The following FRMD3 variants were observed in gnomAD, a reference collection of about 807,000 sequenced individuals.
The protein encoded by FRMD3 is FERM domain-containing protein 3.
Under a neutral mutation model 70.2 loss-of-function variants are expected in FRMD3, and 33 were observed. That is an observed-to-expected ratio of 0.47 (90% CI 0.36 to 0.63). The LOEUF (loss-of-function observed/expected upper bound fraction) is 0.63, where lower values mean the gene tolerates loss of function less well. Among genes scored for constraint, FRMD3 ranks in the 20% least tolerant of loss-of-function variants. The pLI is 0.00. For missense variants in FRMD3, 632 were observed against 711.4 expected, an observed-to-expected ratio of 0.89 and a Z score of 1.27; for synonymous variants, 279 against 255.9, an observed-to-expected ratio of 1.09 and a Z score of -0.86.
intron 4 of FRMD3, among the ~76,000 whole-genome samples, chr9:83,348,333 T>C (rs933158906): frequency 6.6e-6 from 1 of 152,138 alleles, no homozygotes; most frequent in Non-Finnish European, 1.5e-5. Context: ...ATCAAATAAA[T>C]AATTAAAATT....
chr9:83,305,294 G>A (rs1479262866), intron 10 of FRMD3, among the ~76,000 whole-genome samples: 3 of 152,198 alleles, frequency 2.0e-5, no homozygotes, highest in African/African-American at 7.2e-5. Context: ...TCCAACTGCT[G>A]CTCAAAATAC....
chr9:83,317,447 T>C (rs1348260949), intron 6 of FRMD3, among the ~76,000 whole-genome samples: 1 of 152,142 alleles, frequency 6.6e-6, no homozygotes, highest in Non-Finnish European at 1.5e-5. Flanking sequence ...CCCAGTTTAC[T>C]TGAAAGGCCC....
chr9:83,432,357 G>A (rs528584267), intron 1 of FRMD3, among the ~76,000 whole-genome samples: 1 of 152,354 alleles, frequency 6.6e-6, no homozygotes, highest in African/African-American at 2.4e-5. Flanking sequence ...AGGAATCCAG[G>A]AAAATACCGA....
chr9:83,378,923 T>TA (rs1825273363), intron 2 of FRMD3, among the ~76,000 whole-genome samples: 1 of 134,382 alleles, frequency 7.4e-6, no homozygotes, highest in African/African-American at 2.8e-5. Context: ...AGATGGGGTT[T>TA]CACTATGTAG....
chr9:83,498,415 T>C (rs974347841), intron 1 of FRMD3, among the ~76,000 whole-genome samples: 1 of 152,208 alleles, frequency 6.6e-6, no homozygotes, highest in African/African-American at 2.4e-5. Context: ...GCCAAAGGTT[T>C]ATCCACTTTA....
rs764790748 is a variant in FRMD3 at position 83,310,545 on chromosome 9, T to C, written c.777A>G (p.Pro259=). 3.1e-6 allele frequency: 5 copies of C among 1,593,134 alleles called. No homozygotes were observed. The South Asian group carries it at 5.8e-5, about 18-fold the overall frequency. ...GNKRIHLIKW[P]DVCKLKFEGK... is the part of the protein sequence containing the mutation. ...CTTCAAACTTCAATTTGCAGACATC[T>C]GGCCTAAGAAAAGAAAATCTCTGGG... The change falls in exon 9 of 14, where the codon CCA becomes CCG. Residue 259 remains proline, a synonymous_variant. Transcript: ENST00000304195.
intron 1 of FRMD3, among the ~76,000 whole-genome samples, chr9:83,406,768 T>C (rs985825332): frequency 1.7e-4 from 26 of 152,242 alleles, no homozygotes; most frequent in African/African-American, 6.0e-4. Flanking sequence ...ACACAGCCCA[T>C]AGAAGAGAGC....
the FRMD3 span, among the ~76,000 whole-genome samples, chr9:83,584,833 A>G: frequency 1.3e-5 from 2 of 152,152 alleles, no homozygotes; most frequent in Non-Finnish European, 2.9e-5. Flanking sequence ...TGATCCGTGA[A>G]ATGGATCGAT....
chr9:83,249,894 G>C (rs962190990), intron 13 of FRMD3, among the ~76,000 whole-genome samples: 1 of 152,118 alleles, frequency 6.6e-6, no homozygotes, highest in African/African-American at 2.4e-5. Flanking sequence ...AAAATTGACA[G>C]TTCCTCAAAA....
intron 2 of FRMD3, 86 bp downstream of exon 2, chr9:83,389,518 C>T (rs1825605221): frequency 1.2e-6 from 1 of 844,612 alleles, no homozygotes; most frequent in Non-Finnish European, 2.0e-6. Context: ...ACAAGGGCAT[C>T]ACTAGGGCTT....
rs1825885088 is a variant in FRMD3 at position 83,399,174 on chromosome 9, C to T, written c.148-9466G>A. Among the ~76,000 whole-genome samples, 2 of 152,178 alleles carry T rather than the reference C, an allele frequency of 1.3e-5. 1 individual carries two copies. Among genetic ancestry groups the T allele is most frequent in the South Asian group, 4.1e-4 (2 of 4,828 alleles). On this transcript the variant is annotated intron_variant, in intron 1 of 13. Transcript: ENST00000304195. ...GATGAAGCAGCCAGAATACGTTGGT[C>T]AGTTTTTCATCTGAATCCTAAACAG...
At chr9:83,290,946 C>T (rs942280) in intron 12 of FRMD3, among the ~76,000 whole-genome samples, 83,445 of 151,882 alleles carry the variant, frequency 0.55, 24,419 homozygotes, top group South Asian at 0.78. Context: ...TGCAACTCAA[C>T]GAAAGAAAAT....
the FRMD3 span, among the ~76,000 whole-genome samples, chr9:83,577,243 T>C: frequency 6.6e-6 from 1 of 151,826 alleles, no homozygotes; most frequent in Non-Finnish European, 1.5e-5. Context: ...CATATGGAAA[T>C]ATAAAGGACC....
At chr9:83,377,317 T>A (rs1344075042) in intron 2 of FRMD3, among the ~76,000 whole-genome samples, 1 of 152,156 alleles carries the variant, frequency 6.6e-6, no homozygotes, top group Non-Finnish European at 1.5e-5. Flanking sequence ...AATGGAAGGA[T>A]AATAGGAGAG....
intron 1 of FRMD3, among the ~76,000 whole-genome samples, chr9:83,416,749 C>CTCTG (rs1554702041): frequency 7.3e-5 from 7 of 96,066 alleles, no homozygotes; most frequent in African/African-American, 1.4e-4. Flanking sequence ...CTCTCTGTCT[C>CTCTG]TCTCTCTCTC....
downstream of FRMD3, among the ~76,000 whole-genome samples, chr9:83,243,676 G>T (rs886493058): frequency 5.3e-5 from 8 of 152,098 alleles, no homozygotes; most frequent in African/African-American, 1.7e-4. Context: ...TCCTTTTCTT[G>T]CCTGTAGTCT....
rs753828646 is a variant in FRMD3 at position 83,538,052 on chromosome 9, G to A, written c.147+33C>T. The A allele has an allele frequency of 6.2e-7, 1 of 1,603,026 alleles. No homozygotes were observed. The highest frequency in any genetic ancestry group is 1.7e-5 in the Admixed American group (1 of 59,372). ...AGGCCCCCCGCCCTGCTCCCGGCGT[G>A]TGCCCCGCGCCCTCGCCCGGTTCCA... On this transcript the variant is annotated intron_variant, in intron 1 of 13. Transcript: ENST00000304195. This position sits in a 1 kb window ranked among gnomAD's most constrained non-coding sequence, Gnocchi z 4.7.
At chr9:83,342,734 A>AGATAGATAGATG (rs1823813639) in intron 5 of FRMD3, among the ~76,000 whole-genome samples, 1 of 99,150 alleles carries the variant, frequency 1.0e-5, no homozygotes, top group East Asian at 2.6e-4. Flanking sequence ...ATAGATAGAT[A>AGATAGATAGATG]GTTAGATAGA....
intron 2 of FRMD3, among the ~76,000 whole-genome samples, chr9:83,378,892 AAT>A (rs1197611866): frequency 7.1e-6 from 1 of 140,720 alleles, no homozygotes; most frequent in Middle Eastern, 3.6e-3. Flanking sequence ...ATTTTATATA[AAT>A]ATATATATAT....
Sources: allele counts gnomAD v4.1 joint callset (sites outside exome capture counted in the v4.1 genomes callset), GRCh38; gene constraint gnomAD v4.1.1; non-coding constraint Gnocchi (gnomAD v3.1); transcripts MANE v1.5; gene names NCBI Gene and HGNC (gene_info 2026-07-23, HGNC 2026-07-21).